The following MED16 variants were observed in gnomAD, a reference collection of about 807,000 sequenced individuals.
The protein encoded by MED16 is mediator of RNA polymerase II transcription subunit 16.
In MED16, 81 loss-of-function variants were observed where a neutral mutation model predicts 84.4. The ratio of observed to expected loss-of-function variants is 0.96; its 90% CI spans 0.80 to 1.15. The LOEUF is 1.15. Ranked by LOEUF, MED16 falls within the 50% of genes most tolerant of loss-of-function variation. The probability of loss-of-function intolerance (pLI) is 0.00; values close to 1 mark genes in which losing one functional copy is unlikely to be tolerated. For missense variants in MED16, 1,585 were observed against 1,245.9 expected, an observed-to-expected ratio of 1.27 and a Z score of -4.10; for synonymous variants, 897 against 552.2, an observed-to-expected ratio of 1.62 and a Z score of -8.76.
At chr19:879,831 C>G in intron 8 of MED16, 106 bp downstream of exon 8, 3 of 1,012,094 alleles carry the variant, frequency 3.0e-6, no homozygotes, top group South Asian at 1.7e-5. Context: ...GCCAGCCCCA[C>G]GTGCCCCAGC....
At chr19:890,097 C>A in intron 3 of MED16, 40 bp downstream of exon 3, 2 of 1,452,492 alleles carry the variant, frequency 1.4e-6, no homozygotes, top group Non-Finnish European at 1.9e-6. Context: ...GCTCCGGGAT[C>A]CGGGTCGCCA....
chr19:868,280 C>G (rs747303130), intron 15 of MED16, 29 bp from the exon 16 acceptor site: 5 of 1,588,844 alleles, frequency 3.1e-6, no homozygotes, highest in Admixed American at 3.6e-5. Flanking sequence ...TTAACCGCGC[C>G]GAGGAGAGTC....
chr19:868,630 G>C, intron 14 of MED16, 131 bp from the exon 15 acceptor site: 2 of 1,266,470 alleles, frequency 1.6e-6, no homozygotes, highest in Non-Finnish European at 2.2e-6. Flanking sequence ...GTCCCCACCT[G>C]CCACAGGGCC....
intron 6 of MED16, among the ~76,000 whole-genome samples, chr19:883,985 A>G (rs1341943134): frequency 6.6e-6 from 1 of 152,044 alleles, no homozygotes; most frequent in Non-Finnish European, 1.5e-5. Context: ...CTTCACCTTT[A>G]CTGCCTCTGC....
intron 7 of MED16, among the ~76,000 whole-genome samples, chr19:881,319 C>T (rs2036418610): frequency 6.6e-6 from 1 of 152,216 alleles, no homozygotes; most frequent in Admixed American, 6.5e-5. Flanking sequence ...TGCAATGACT[C>T]TTTACATATT....
intron 1 of MED16, among the ~76,000 whole-genome samples, chr19:891,360 G>A (rs957648756): frequency 1.1e-4 from 17 of 152,230 alleles, no homozygotes; most frequent in Admixed American, 8.5e-4. Flanking sequence ...TCTACTCTCA[G>A]TAAGGTGGGA....
Position 876,897 on chromosome 19 carries a change from G to GCCCCACCTGCCACGGGGC in MED16, c.1560+59_1560+76dup, listed in dbSNP as rs1173781776. On this transcript the variant is annotated intron_variant, in intron 9 of 15. Transcript: ENST00000325464. ...CCACGGGGCCCCCACCTGCCACGGGGCCCCACCTGCCACGGGGCCCCCACC... is the reference window on the plus strand; with the variant it reads ...CCACGGGGCCCCCACCTGCCACGGGGCCCCACCTGCCACGGGGCCCCCACCTGCCACGGGGCCCCCACC... 846 of 1,358,374 alleles carry GCCCCACCTGCCACGGGGC rather than the reference G, an allele frequency of 6.2e-4. 7 individuals carry two copies. In the African/African-American group the frequency reaches 7.1e-3, roughly 11 times the overall value. The allele number at this position is 1,358,374 out of a possible 1,614,324, so 84.1% of individuals were successfully genotyped here.
chr19:878,034 AGCCC>A (rs1568325981), intron 8 of MED16, among the ~76,000 whole-genome samples: 1 of 92,976 alleles, frequency 1.1e-5, no homozygotes, highest in African/African-American at 4.3e-5. Context: ...CCCCAGCCCC[AGCCC>A]CACGTGCCCC....
chr19:890,272 G>C (rs1201632597), intron 2 of MED16, 28 bp from the exon 3 acceptor site: 1 of 1,438,216 alleles, frequency 7.0e-7, no homozygotes, highest in African/African-American at 1.4e-5. Flanking sequence ...GGTCAGCACG[G>C]CCTGGCACCA....
intron 8 of MED16, among the ~76,000 whole-genome samples, chr19:879,568 T>C (rs1278922301): frequency 1.0e-5 from 1 of 99,012 alleles, no homozygotes; most frequent in Non-Finnish European, 1.9e-5. Context: ...CGCCTTCCCC[T>C]GGTTGTCAAT....
intron 9 of MED16, 123 bp downstream of exon 9, chr19:876,851 C>T (rs2036244374): frequency 3.2e-6 from 3 of 937,058 alleles, no homozygotes; most frequent in Non-Finnish European, 4.6e-6. Flanking sequence ...GGGACAGCCC[C>T]ACCTGGCACG....
At chr19:873,335 CTCCAACTAGGGGCG>C (rs1468442962) in intron 11 of MED16, 100 bp downstream of exon 11, 31 of 357,024 alleles carry the variant, frequency 8.7e-5, no homozygotes, top group Non-Finnish European at 1.1e-5. Flanking sequence ...AGGGGCGGGA[CTCCAACTAGGGGCG>C]GGGCTGAGGT....
At chr19:875,649 T>C (rs933439255) in intron 9 of MED16, among the ~76,000 whole-genome samples, 195 bp from the exon 10 acceptor site, 36 of 152,308 alleles carry the variant, frequency 2.4e-4, no homozygotes, top group African/African-American at 8.7e-4. Flanking sequence ...GGTGCTGGGT[T>C]CTCAGCTGGG....
chr19:876,977 C>T lies in MED16; in HGVS notation c.1557G>A (p.Gln519=). The stretch of plus-strand genomic sequence containing the variant: ...CCCACCTGCCACGGGCCCCCACCTG[C>T]TGCAGGGCAGCGGTCTGGCGCGTGT... ...EEYTRQTAAL[Q]QVLSTRILAM... Residue 519 remains glutamine (Q), a synonymous_variant, in exon 9 of 16, where the codon CAG becomes CAA. Transcript: ENST00000325464. 1 of 1,609,560 alleles carries T rather than the reference C, an allele frequency of 6.2e-7. No individual in the cohort carries two copies. Among genetic ancestry groups the T allele is most frequent in the Non-Finnish European group, 8.5e-7 (1 of 1,178,148 alleles).
intron 13 of MED16, among the ~76,000 whole-genome samples, chr19:869,189 G>T (rs567558638): frequency 1.3e-5 from 2 of 152,052 alleles, no homozygotes; most frequent in Non-Finnish European, 2.9e-5. Context: ...GGAGCTTGAG[G>T]CTTAGAGACC....
rs1022229480 is a variant in MED16 at position 893,160 on chromosome 19, C to T, written c.-93G>A. ...CCTAGCGCCTCGGGTCTGGCGCCGC[C>T]ATCTTCCTCGGTAACAACCAGTCGC... On this transcript the variant is annotated 5_prime_UTR_variant, in exon 1 of 16. It removes an upstream start codon present in the reference 5' UTR. Transcript: ENST00000325464. The T allele has an allele frequency of 5.2e-5, 8 of 152,400 alleles. No homozygotes were observed. The highest frequency in any genetic ancestry group is 3.3e-4 in the Admixed American group (5 of 15,312). The allele number at this position is 152,400 out of a possible 1,614,324, so 9.4% of individuals were successfully genotyped here.
chr19:872,145 TG>T, intron 11 of MED16, 27 bp from the exon 12 acceptor site: 1 of 1,489,944 alleles, frequency 6.7e-7, no homozygotes, highest in Non-Finnish European at 9.0e-7. Flanking sequence ...TCGGTGTGGC[TG>T]GGGCGGCGGG....
chr19:877,475 C>T (rs2036277490), intron 8 of MED16, among the ~76,000 whole-genome samples: 1 of 150,180 alleles, frequency 6.7e-6, no homozygotes, highest in Non-Finnish European at 1.5e-5. Context: ...AGGCGGTCCT[C>T]TCAACAGCTC....
intron 7 of MED16, 75 bp from the exon 8 acceptor site, chr19:880,223 G>C: frequency 1.4e-6 from 2 of 1,400,548 alleles, no homozygotes; most frequent in Non-Finnish European, 9.5e-7. Context: ...CTCCTGCTCT[G>C]CAGGGTGTGG....
Sources: allele counts gnomAD v4.1 joint callset (sites outside exome capture counted in the v4.1 genomes callset), GRCh38; gene constraint gnomAD v4.1.1; transcripts MANE v1.5; gene names NCBI Gene and HGNC (gene_info 2026-07-23, HGNC 2026-07-21).